Variants in NCAM2 observed in about 807,000 individuals in gnomAD.
The protein encoded by NCAM2 is N-CAM-2.
NCAM2 carries 30 observed loss-of-function variants against 98.1 expected under a neutral mutation model. The ratio of observed to expected loss-of-function variants is 0.31; its 90% CI spans 0.23 to 0.41. The LOEUF is 0.41. Among genes scored for constraint, NCAM2 ranks in the 10% least tolerant of loss-of-function variants. The pLI is 1.00. For missense variants in NCAM2, 867 were observed against 1,005.8 expected, an observed-to-expected ratio of 0.86 and a Z score of 1.87; for synonymous variants, 368 against 342.4, an observed-to-expected ratio of 1.07 and a Z score of -0.83.
In NCAM2 at chr21:21,466,598, T is replaced by C; in HGVS notation, c.1655-8T>C. 6.4e-7 allele frequency: 1 copy of C among 1,559,070 alleles called. No homozygotes were observed. The highest frequency in any genetic ancestry group is 1.7e-4 in the Middle Eastern group (1 of 5,904). ...GTTTTATTTTGTTTTGTTTTGTTTT[T>C]CTTCTAGCAATGGTTGTTTTGAACA... On this transcript the variant is annotated splice_polypyrimidine_tract_variant and splice_region_variant and intron_variant, in intron 12 of 17. Coordinates refer to ENST00000400546, the MANE Select transcript of NCAM2 (RefSeq NM_004540.5).
chr21:21,211,130 G>C (rs1394249051), intron 1 of NCAM2, among the ~76,000 whole-genome samples: 1 of 152,124 alleles, frequency 6.6e-6, no homozygotes, highest in African/African-American at 2.4e-5. Context: ...ATTAAATACT[G>C]TTTTTAAAAT....
chr21:21,380,808 G>A (rs79208391), intron 9 of NCAM2, among the ~76,000 whole-genome samples: 3,147 of 152,288 alleles, frequency 0.021, 97 homozygotes, highest in African/African-American at 0.072. Flanking sequence ...TGTGTTTGCA[G>A]TTTCCGAAGG....
intron 1 of NCAM2, among the ~76,000 whole-genome samples, chr21:21,208,654 G>T (rs1309527455): frequency 2.0e-5 from 3 of 151,994 alleles, no homozygotes; most frequent in Admixed American, 6.6e-5. Context: ...ATGTGGAACT[G>T]CCTATGTGGA....
At chr21:21,398,168 T>C (rs2076554234) in intron 9 of NCAM2, among the ~76,000 whole-genome samples, 1 of 152,190 alleles carries the variant, frequency 6.6e-6, no homozygotes, top group Non-Finnish European at 1.5e-5. Flanking sequence ...AGGAATGGAA[T>C]GCCAAACATC....
intron 15 of NCAM2, among the ~76,000 whole-genome samples, chr21:21,493,968 G>C (rs1987031276): frequency 6.6e-6 from 1 of 151,848 alleles, no homozygotes; most frequent in African/African-American, 2.4e-5. Context: ...AAAATATGTA[G>C]TTTTAATAAT....
At chr21:21,429,698 A>G (rs1362209510) in intron 11 of NCAM2, among the ~76,000 whole-genome samples, 1 of 152,222 alleles carries the variant, frequency 6.6e-6, no homozygotes, top group Non-Finnish European at 1.5e-5. Flanking sequence ...AACATTATTT[A>G]GATATCTTAA....
At chr21:21,475,768 G>A (rs1985086999) in intron 14 of NCAM2, among the ~76,000 whole-genome samples, 1 of 152,082 alleles carries the variant, frequency 6.6e-6, no homozygotes, top group Non-Finnish European at 1.5e-5. Context: ...TAAAACCAGG[G>A]CTTCGTTAGG....
chr21:21,369,418 A>G, intron 8 of NCAM2, among the ~76,000 whole-genome samples: 1 of 151,986 alleles, frequency 6.6e-6, no homozygotes, highest in East Asian at 1.9e-4. Context: ...GACATTATTA[A>G]TAATGCTGTC....
chr21:21,178,616 T>TA (rs2068370494), intron 1 of NCAM2, among the ~76,000 whole-genome samples: 1 of 152,064 alleles, frequency 6.6e-6, no homozygotes. Flanking sequence ...ACATGCTTAC[T>TA]AACTTCATAG....
chr21:21,382,607 C>T (rs2076180480), intron 9 of NCAM2, among the ~76,000 whole-genome samples: 1 of 151,866 alleles, frequency 6.6e-6, no homozygotes, highest in African/African-American at 2.4e-5. Context: ...CCTTCACCTC[C>T]TGGGTTCAAG....
chr21:21,413,234 G>T (rs1445661769), intron 10 of NCAM2, among the ~76,000 whole-genome samples: 4 of 152,118 alleles, frequency 2.6e-5, no homozygotes, highest in Non-Finnish European at 2.9e-5. Context: ...TAATAGGTTT[G>T]TTAGAATAAT....
At chr21:21,299,455 G>A (rs1409568612) in intron 5 of NCAM2, among the ~76,000 whole-genome samples, 6 of 151,786 alleles carry the variant, frequency 4.0e-5, no homozygotes, top group Non-Finnish European at 7.4e-5. Context: ...AGTAAAACTA[G>A]TTCCATGTGC....
chr21:21,536,738 G>T (rs1257303411), intron 17 of NCAM2, among the ~76,000 whole-genome samples: 3 of 152,102 alleles, frequency 2.0e-5, no homozygotes, highest in African/African-American at 7.2e-5. Flanking sequence ...AAAGTATGTT[G>T]TTAAGGGAGA....
intron 1 of NCAM2, among the ~76,000 whole-genome samples, chr21:21,086,317 A>G (rs2065905074): frequency 6.6e-6 from 1 of 152,342 alleles, no homozygotes; most frequent in African/African-American, 2.4e-5. Flanking sequence ...AAAACCAAAG[A>G]AGGACAATTT....
intron 15 of NCAM2, among the ~76,000 whole-genome samples, chr21:21,482,982 C>G (rs1986026216): frequency 6.6e-6 from 1 of 151,842 alleles, no homozygotes; most frequent in Non-Finnish European, 1.5e-5. Flanking sequence ...GATTTCAAGG[C>G]TGATAGCATG....
intron 9 of NCAM2, 71 bp from the exon 10 acceptor site, chr21:21,410,203 G>C: frequency 1.2e-6 from 1 of 815,906 alleles, no homozygotes; most frequent in Non-Finnish European, 1.8e-6. Context: ...AATAACTAAT[G>C]CTTATACTAC....
chr21:21,098,220 G>A (rs1039369269), intron 1 of NCAM2, among the ~76,000 whole-genome samples: 1 of 151,450 alleles, frequency 6.6e-6, no homozygotes, highest in African/African-American at 2.4e-5. Flanking sequence ...GGGCTTTGAT[G>A]TTTCAGAAGT....
chr21:21,151,816 C>T (rs2226699), intron 1 of NCAM2, among the ~76,000 whole-genome samples: 148,953 of 152,108 alleles, frequency 0.98, 72,989 homozygotes, highest in East Asian at 1. Context: ...TTGCATTATT[C>T]CTGATGCACT....
At chr21:21,470,151 C>T (rs985157724) in intron 14 of NCAM2, among the ~76,000 whole-genome samples, 2 of 151,918 alleles carry the variant, frequency 1.3e-5, no homozygotes, top group African/African-American at 4.8e-5. Flanking sequence ...AGTAGTGGCC[C>T]CAGTCATTGA....
Sources: allele counts gnomAD v4.1 joint callset (sites outside exome capture counted in the v4.1 genomes callset), GRCh38; gene constraint gnomAD v4.1.1; transcripts MANE v1.5; gene names NCBI Gene and HGNC (gene_info 2026-07-23, HGNC 2026-07-21).